The following PPP1R12C variants were observed in gnomAD, a reference collection of about 807,000 sequenced individuals.
The protein encoded by PPP1R12C is protein phosphatase 1 regulatory subunit 12C.
A neutral mutation model predicts 95.6 loss-of-function variants in PPP1R12C; 48 were observed. The ratio of observed to expected loss-of-function variants is 0.50; its 90% CI spans 0.40 to 0.64. PPP1R12C has a LOEUF of 0.64. Among genes scored for constraint, PPP1R12C ranks in the 30% least tolerant of loss-of-function variants. The pLI, the probability that PPP1R12C is intolerant of heterozygous loss-of-function variation, is 0.00. For missense variants in PPP1R12C, 1,057 were observed against 1,083.3 expected, an observed-to-expected ratio of 0.98 and a Z score of 0.34; for synonymous variants, 480 against 460.8, an observed-to-expected ratio of 1.04 and a Z score of -0.53.
At chr19:55,112,151 C>T (rs1186491542) in intron 3 of PPP1R12C, 3 of 294,244 alleles carry the variant, frequency 1.0e-5, no homozygotes, top group Non-Finnish European at 1.9e-5. Flanking sequence ...GCAATCCTAC[C>T]TAACGCACTC....
chr19:55,113,133 G>T, intron 1 of PPP1R12C: 1 of 514,800 alleles, frequency 1.9e-6, no homozygotes, highest in East Asian at 3.0e-5. Context: ...CCACCCACAG[G>T]TGGCGCTTCC....
At chr19:55,102,741 G>A (rs2084991983) in intron 4 of PPP1R12C, among the ~76,000 whole-genome samples, 1 of 152,176 alleles carries the variant, frequency 6.6e-6, no homozygotes, top group Non-Finnish European at 1.5e-5. Flanking sequence ...ATAACCTACA[G>A]AGAACACTGT....
rs578092502 is a variant in PPP1R12C, at chr19:55,095,716, G to C, written c.1228-113C>G. ...ACAATTCCCATCAGCCCCCGGGGCA[G>C]GCACAGCCTAAAAAGGAAGCCGGTT... On this transcript the variant is annotated intron_variant, in intron 9 of 21. Transcript: ENST00000263433. 26 of 1,515,216 alleles carry C rather than the reference G, an allele frequency of 1.7e-5. No homozygotes were observed. In the African/African-American group the frequency reaches 3.3e-4, roughly 19 times the overall value. 93.9% of individuals were successfully genotyped at this position (1,515,216 alleles called of 1,614,324 possible). A position where few individuals can be genotyped will look rare whatever the true frequency, so the allele number is the denominator to read the frequency against.
rs769522890 is a variant in PPP1R12C at position 55,103,588 on chromosome 19, G to A, written c.572-20C>T. 2.8e-5 allele frequency: 43 copies of A among 1,542,986 alleles called. 1 individual carries two copies. Among genetic ancestry groups the A allele is most frequent in the South Asian group, 2.0e-4 (17 of 84,792 alleles). ...CCACACCTAGGAGGATAAGAGGCACGAGGTAGGACTCACACCCCATGACCT... is the reference window on the plus strand; with the variant it reads ...CCACACCTAGGAGGATAAGAGGCACAAGGTAGGACTCACACCCCATGACCT... On this transcript the variant is annotated intron_variant, in intron 3 of 21. Coordinates refer to ENST00000263433, the MANE Select transcript of PPP1R12C (RefSeq NM_017607.4).
chr19:55,099,188 C>G, intron 4 of PPP1R12C, 93 bp from the exon 5 acceptor site: 2 of 1,379,468 alleles, frequency 1.4e-6, no homozygotes, highest in Non-Finnish European at 1.9e-6. Context: ...AGGTCCCAGG[C>G]CACGAGACTG....
chr19:55,115,212 A>C (rs1051351342), intron 1 of PPP1R12C: 1 of 152,208 alleles, frequency 6.6e-6, no homozygotes, highest in Non-Finnish European at 1.5e-5. Flanking sequence ...CCATTCTCAC[A>C]AAGGGAGTTT....
rs936069008 is a variant in PPP1R12C, at chr19:55,091,128, C to G, written c.*344G>C. ...TCCCTGCTCAGGAGGGGAGGGGTGA[C>G]GGGGTGGCATCACACGTGAGATGGG... is the stretch of plus-strand genomic sequence containing the variant. On this transcript the variant is annotated 3_prime_UTR_variant, in exon 22 of 22. Coordinates refer to ENST00000263433, the MANE Select transcript of PPP1R12C (RefSeq NM_017607.4). 8.9e-6 allele frequency: 3 copies of G among 338,956 alleles called. No individual in the cohort carries two copies. The highest frequency in any genetic ancestry group is 4.6e-5 in the Admixed American group (1 of 21,846). The allele number at this position is 338,956 out of a possible 1,614,324, so 21.0% of individuals were successfully genotyped here. A position where few individuals can be genotyped will look rare whatever the true frequency, so the allele number is the denominator to read the frequency against.
rs776446463 is a variant in PPP1R12C, at chr19:55,099,102, G to A, written c.732-7C>T. On this transcript the variant is annotated splice_region_variant and splice_polypyrimidine_tract_variant and intron_variant, in intron 4 of 21. Transcript: ENST00000263433. ...GCCAGCCTGAAGGAGCAACCTGGGG[G>A]CCAGGGAGGCTCAGGGTCAGAGGCC... 3 of 1,526,492 alleles carry A rather than the reference G, an allele frequency of 2.0e-6. No homozygotes were observed. The highest frequency in any genetic ancestry group is 1.2e-5 in the South Asian group (1 of 80,824). 94.6% of individuals were successfully genotyped at this position (1,526,492 alleles called of 1,614,324 possible).
intron 6 of PPP1R12C, among the ~76,000 whole-genome samples, chr19:55,098,559 C>T (rs1249358755): frequency 6.6e-6 from 1 of 152,252 alleles, no homozygotes; most frequent in Non-Finnish European, 1.5e-5. Context: ...CCTTCTGCCG[C>T]CCCCACCACC....
Position 55,093,186 on chromosome 19 carries a change from C to T in PPP1R12C, c.1731G>A (p.Lys577=). The change falls in exon 14 of 22, where the codon AAG becomes AAA. Residue 577 remains lysine, a synonymous_variant. Coordinates refer to ENST00000263433, the MANE Select transcript of PPP1R12C (RefSeq NM_017607.4). ...DLKEAEKAAG[K]APESEKPAQS... ...GCGCCGGCTTCTCTGACTCTGGGGCCTTCCCTGCAGCCTTCTCTGCCTCCT... is the reference window on the plus strand; with the variant it reads ...GCGCCGGCTTCTCTGACTCTGGGGCTTTCCCTGCAGCCTTCTCTGCCTCCT... The T allele has an allele frequency of 1.2e-6, 2 of 1,613,706 alleles. No homozygotes were observed. Among genetic ancestry groups the T allele is most frequent in the South Asian group, 2.2e-5 (2 of 91,080 alleles).
Position 55,091,578 on chromosome 19 carries a change from A to T in PPP1R12C, c.2263-20T>A. ...CAGGGCCTGGGGGACGGCAAGGGTC[A>T]GCTGGGCAGCCCTGGCGGGTTGCAC... On this transcript the variant is annotated intron_variant, in intron 21 of 21. Coordinates refer to ENST00000263433, the MANE Select transcript of PPP1R12C (RefSeq NM_017607.4). The T allele has an allele frequency of 6.2e-7, 1 of 1,612,626 alleles. No homozygotes were observed. Among genetic ancestry groups the T allele is most frequent in the African/African-American group, 1.3e-5 (1 of 75,038 alleles).
At position 55,096,303 on chromosome 19, in the gene PPP1R12C, C is replaced by G. The variant is rs371436070; in HGVS notation, c.984G>C (p.Arg328=). ...TAGAGGGCGCTTGGGGCTCCTGGCC[C>G]CGGCTCTGGGAAGCTTCTTTTTGGT... ...LRNQKEASQS[R]GQEPQAPSSS... is the part of the protein sequence containing the mutation. Residue 328 remains arginine, a synonymous_variant, in exon 7 of 22, where the codon CGG becomes CGC. Coordinates refer to ENST00000263433, the MANE Select transcript of PPP1R12C (RefSeq NM_017607.4). 1 of 1,613,778 alleles carries G rather than the reference C, an allele frequency of 6.2e-7. No homozygotes were observed. Among genetic ancestry groups the G allele is most frequent in the Non-Finnish European group, 8.5e-7 (1 of 1,179,942 alleles).
At position 55,094,694 on chromosome 19, in the gene PPP1R12C, G is replaced by C. The variant is rs764318597; in HGVS notation, c.1559C>G (p.Thr520Arg). The C allele has an allele frequency of 6.8e-6, 11 of 1,607,366 alleles. No individual in the cohort carries two copies. Among genetic ancestry groups the C allele is most frequent in the Non-Finnish European group, 8.5e-6 (10 of 1,178,308 alleles). Residue 520 changes from threonine (T) to arginine (R), a missense_variant, in exon 12 of 22, where the codon ACG becomes AGG. Around this residue, in one of 5 missense-constraint regions of PPP1R12C, gnomAD observed 356 missense variants for 330.5 expected, o/e 1.08. Transcript: ENST00000263433. ...GTCCCGGGAGTCCGCTGGGGGCGCC[G>C]TGGAGGCTGTGGGGACGTTTGGCTT... Reference protein sequence around the residue: ...PAKPNVPTASTAPPADSRDRR... With the variant: ...PAKPNVPTASRAPPADSRDRR...
At position 55,091,297 on chromosome 19, in the gene PPP1R12C, G is replaced by A. The variant is rs374197470; in HGVS notation, c.*175C>T. On this transcript the variant is annotated 3_prime_UTR_variant, in exon 22 of 22. Coordinates refer to ENST00000263433, the MANE Select transcript of PPP1R12C (RefSeq NM_017607.4). ...GGCCTCCCACCTCCATCCTGGCCTC[G>A]GGTGGCCCCCTCGGCTCCTGGGGAC... The A allele has an allele frequency of 5.2e-5, 35 of 675,386 alleles. No homozygotes were observed. The highest frequency in any genetic ancestry group is 7.7e-5 in the Non-Finnish European group (31 of 404,166). The allele number at this position is 675,386 out of a possible 1,614,324, so 41.8% of individuals were successfully genotyped here.
chr19:55,091,592 G>A (rs375269938), intron 21 of PPP1R12C, 34 bp from the exon 22 acceptor site: 30 of 1,610,602 alleles, frequency 1.9e-5, no homozygotes, highest in Non-Finnish European at 2.5e-5. Context: ...GGGCAGCCCT[G>A]GCGGGTTGCA....
intron 3 of PPP1R12C, 47 bp downstream of exon 3, chr19:55,112,420 G>T: frequency 6.5e-7 from 1 of 1,537,398 alleles, no homozygotes; most frequent in Non-Finnish European, 8.9e-7. Context: ...TGGAGACCAC[G>T]GGTGAGGAGG....
intron 4 of PPP1R12C, among the ~76,000 whole-genome samples, chr19:55,103,017 C>T (rs915544996): frequency 6.6e-6 from 1 of 151,914 alleles, no homozygotes; most frequent in Non-Finnish European, 1.5e-5. Context: ...GCCTGGGCCA[C>T]ATGGTGAAAC....
At chr19:55,101,170 C>T (rs985359670) in intron 4 of PPP1R12C, among the ~76,000 whole-genome samples, 14 of 151,990 alleles carry the variant, frequency 9.2e-5, no homozygotes, top group Admixed American at 7.9e-4. Context: ...ATTGCTTGAA[C>T]CCAGGGGACA....
intron 12 of PPP1R12C, 37 bp downstream of exon 12, chr19:55,094,624 G>C (rs1431503960): frequency 1.3e-6 from 2 of 1,545,672 alleles, no homozygotes; most frequent in Non-Finnish European, 1.7e-6. Context: ...TCCCTGCTGG[G>C]GGCGGGGGCG....
Sources: allele counts gnomAD v4.1 joint callset (sites outside exome capture counted in the v4.1 genomes callset), GRCh38; gene constraint gnomAD v4.1.1; regional missense constraint gnomAD v4.1.1; transcripts MANE v1.5; gene names NCBI Gene and HGNC (gene_info 2026-07-23, HGNC 2026-07-21).